The following ZC3H12B variants were observed in gnomAD, a reference collection of about 807,000 sequenced individuals.
ZC3H12B encodes probable ribonuclease ZC3H12B.
In ZC3H12B, 7 loss-of-function variants were observed where a neutral mutation model predicts 43.9. That is an observed-to-expected ratio of 0.16 (90% confidence interval 0.09 to 0.30). ZC3H12B has a LOEUF of 0.30. Among genes scored for constraint, ZC3H12B ranks in the 10% least tolerant of loss-of-function variants. ZC3H12B has a pLI of 1.00. For missense variants in ZC3H12B, 475 were observed against 670.2 expected (o/e 0.71, Z 3.22); for synonymous variants, 222 against 241.7 (o/e 0.92, Z 0.76).
the ZC3H12B span, among the ~76,000 whole-genome samples, chrX:65,237,562 C>A: frequency 9.7e-6 from 1 of 103,505 alleles, no homozygotes; most frequent in African/African-American, 3.7e-5. Flanking sequence ...TTTTTTTTCT[C>A]TTGCCTGATT....
At chrX:65,062,322 G>A in the ZC3H12B span, among the ~76,000 whole-genome samples, 12 of 112,079 alleles carry the variant, frequency 1.1e-4, no homozygotes, top group Admixed American at 2.8e-4. Flanking sequence ...AATCCATCTT[G>A]AGGTAATTTT....
chrX:65,459,828 A>C (rs2067706289), intron 3 of ZC3H12B, among the ~76,000 whole-genome samples: 1 of 111,730 alleles, frequency 9.0e-6, no homozygotes, highest in East Asian at 2.8e-4. Flanking sequence ...CACCACTCCT[A>C]TTCAACATAG....
chrX:65,296,477 A>G, the ZC3H12B span, among the ~76,000 whole-genome samples: 1 of 110,972 alleles, frequency 9.0e-6, no homozygotes, highest in East Asian at 2.8e-4. Context: ...ATGAAACACC[A>G]TATGTTCCCA....
chrX:65,181,945 A>T, the ZC3H12B span, among the ~76,000 whole-genome samples: 6 of 111,866 alleles, frequency 5.4e-5, no homozygotes, highest in East Asian at 1.7e-3. Flanking sequence ...ATAATGAAAT[A>T]TGTGCACGTA....
chrX:65,472,976 GTATATATATATATATATATA>G (rs1233764716), intron 3 of ZC3H12B, among the ~76,000 whole-genome samples: 1 of 73,513 alleles, frequency 1.4e-5, no homozygotes, highest in African/African-American at 8.0e-5. Flanking sequence ...GTATGTGTGT[GTATATATATATATATATATA>G]TGTATATATA....
chrX:65,378,738 C>A (rs1412992490), intron 2 of ZC3H12B, among the ~76,000 whole-genome samples: 1 of 112,429 alleles, frequency 8.9e-6, no homozygotes, highest in East Asian at 2.8e-4. Context: ...GGGCACAGGT[C>A]AGTTGGTGCA....
At chrX:65,388,044 C>A (rs900597463) in intron 2 of ZC3H12B, among the ~76,000 whole-genome samples, 3 of 111,927 alleles carry the variant, frequency 2.7e-5, no homozygotes, top group African/African-American at 9.8e-5. Context: ...TTTTGGGTAA[C>A]CTGACCTTTC....
At chrX:65,280,499 C>T in the ZC3H12B span, among the ~76,000 whole-genome samples, 1 of 111,801 alleles carries the variant, frequency 8.9e-6, no homozygotes, top group African/African-American at 3.3e-5. Flanking sequence ...CAAAGATACC[C>T]ACTCTCACCA....
chrX:65,243,918 C>T, the ZC3H12B span, among the ~76,000 whole-genome samples: 1 of 111,388 alleles, frequency 9.0e-6, no homozygotes, highest in African/African-American at 3.3e-5. Flanking sequence ...GGAGCTAATA[C>T]AAAATTAAAC....
the ZC3H12B span, among the ~76,000 whole-genome samples, chrX:65,265,552 T>C: frequency 8.9e-6 from 1 of 112,204 alleles, no homozygotes; most frequent in African/African-American, 3.2e-5. Flanking sequence ...GAAAGGCTTA[T>C]AAACATTTCC....
chrX:65,061,068 G>A, the ZC3H12B span, among the ~76,000 whole-genome samples: 33 of 111,760 alleles, frequency 3.0e-4, 1 homozygote, highest in Admixed American at 2.9e-4. Flanking sequence ...GCTCTTTGTA[G>A]CTACTAATGA....
At chrX:65,226,559 A>G in the ZC3H12B span, among the ~76,000 whole-genome samples, 1 of 111,651 alleles carries the variant, frequency 9.0e-6, no homozygotes, top group African/African-American at 3.3e-5. Context: ...AATGGACTAA[A>G]TGCTCCAATT....
At chrX:65,236,447 G>A in the ZC3H12B span, among the ~76,000 whole-genome samples, 4 of 111,242 alleles carry the variant, frequency 3.6e-5, no homozygotes, top group Admixed American at 3.8e-4. Flanking sequence ...CTAGATATTA[G>A]ACTGTTGTCA....
chrX:65,287,879 C>A, the ZC3H12B span, among the ~76,000 whole-genome samples: 7 of 108,332 alleles, frequency 6.5e-5, no homozygotes, highest in African/African-American at 2.0e-4. Context: ...AAAAGATAAA[C>A]AAAATTGACA....
chrX:65,502,092 T>C (rs758510710), exon 5 of ZC3H12B: 1 of 1,211,488 alleles, frequency 8.3e-7, no homozygotes. Context: ...GTCCCCTCGC[T>C]TGTGACTGCC....
chrX:65,305,452 G>C, the ZC3H12B span, among the ~76,000 whole-genome samples: 1 of 111,946 alleles, frequency 8.9e-6, no homozygotes, highest in Non-Finnish European at 1.9e-5. Context: ...AAGAGATAGC[G>C]ATCTATCAGT....
chrX:65,121,057 T>A, the ZC3H12B span, among the ~76,000 whole-genome samples: 1 of 111,362 alleles, frequency 9.0e-6, no homozygotes, highest in Admixed American at 9.5e-5. Flanking sequence ...TTTGCCAGTA[T>A]TTTATTGAGG....
At chrX:65,122,222 G>C in the ZC3H12B span, among the ~76,000 whole-genome samples, 5 of 110,656 alleles carry the variant, frequency 4.5e-5, no homozygotes, top group African/African-American at 1.6e-4. Flanking sequence ...GAGAGTGGGG[G>C]CCAATATTCA....
At chrX:65,412,270 A>G (rs1017629351) in intron 3 of ZC3H12B, among the ~76,000 whole-genome samples, 3 of 111,383 alleles carry the variant, frequency 2.7e-5, no homozygotes, top group African/African-American at 9.8e-5. Context: ...TGCTTCTTTC[A>G]TTTACCATTA....
Sources: gnomAD v4.1 joint callset for allele counts (sites outside exome capture counted in the v4.1 genomes callset) on GRCh38, gnomAD v4.1.1 for gene constraint, MANE v1.5 for transcripts, NCBI Gene and HGNC (gene_info 2026-07-23, HGNC 2026-07-21) for gene names.